ANK3: variants seen among roughly 807,000 people sequenced by gnomAD.
ANK3 encodes ankyrin-3.
ANK3 carries 57 observed loss-of-function variants against 370.9 expected under a neutral mutation model. The ratio of observed to expected loss-of-function variants is 0.15; its 90% CI spans 0.12 to 0.19. The LOEUF (loss-of-function observed/expected upper bound fraction) is 0.19. ANK3 is among the 10% of genes least tolerant of loss of function. ANK3 has a pLI of 1.00. For missense variants in ANK3, 4,439 were observed against 5,302.1 expected (o/e 0.84, Z 5.06); for synonymous variants, 1,929 against 1,946.3 (o/e 0.99, Z 0.23).
At chr10:60,277,680 A>G (rs1592932290) in intron 4 of ANK3, among the ~76,000 whole-genome samples, 3 of 150,582 alleles carry the variant, frequency 2.0e-5, no homozygotes, top group East Asian at 3.9e-4. Flanking sequence ...TAATACTGCC[A>G]GAGTGTGCCA....
At chr10:60,051,483 T>C (rs1191237786) in intron 42 of ANK3, 1 of 985,150 alleles carries the variant, frequency 1.0e-6, no homozygotes, top group Non-Finnish European at 1.2e-6. Flanking sequence ...ACCTTTATAA[T>C]CAAACGCCGG....
intron 18 of ANK3, among the ~76,000 whole-genome samples, chr10:60,175,492 G>C (rs1468300299): frequency 1.3e-5 from 2 of 152,172 alleles, no homozygotes; most frequent in Non-Finnish European, 2.9e-5. Context: ...CCAGGGAACA[G>C]AGCAGCCTCT....
At chr10:60,683,241 T>C (rs1362429748) in intron 1 of ANK3, among the ~76,000 whole-genome samples, 1 of 152,230 alleles carries the variant, frequency 6.6e-6, no homozygotes, top group Non-Finnish European at 1.5e-5. Flanking sequence ...ATCTGTTTAG[T>C]AAGATTATTA....
At position 60,678,750 on chromosome 10, in the gene ANK3, G is replaced by T. The variant is rs552417623; in HGVS notation, c.57+54513C>A. ...ATAAGCAGATGACTAAGACCTCACA[G>T]TTTCAGAAACAAAATATTTGGAGGC... On this transcript the variant is annotated intron_variant, in intron 1 of 43. Coordinates refer to the ANK3 transcript ENST00000373827. Among the ~76,000 whole-genome samples, 19 of 152,304 alleles carry T rather than the reference G, an allele frequency of 1.2e-4. No individual in the cohort carries two copies. In the South Asian group the frequency reaches 3.7e-3, roughly 30 times the overall value.
chr10:60,583,517 T>G lies in ANK3; in HGVS notation c.96+31669A>C, dbSNP rs1406000287. Among the ~76,000 whole-genome samples, 17 of 122,966 alleles carry G rather than the reference T, an allele frequency of 1.4e-4. 2 individuals are homozygous for G. Among genetic ancestry groups the G allele is most frequent in the South Asian group, 3.6e-4 (1 of 2,770 alleles). The allele number at this position is 122,966 out of a possible 152,430, so 80.7% of individuals were successfully genotyped here. The stretch of plus-strand genomic sequence containing the variant: ...GCTTACAGAGAGGTTTTTTGTTTTT[T>G]GTTTTTTGTTTTTTTTTGAGGTGGA... On this transcript the variant is annotated intron_variant, in intron 2 of 43. Transcript: ENST00000373827.
chr10:60,297,402 C>A (rs969046025), intron 1 of ANK3, among the ~76,000 whole-genome samples: 3 of 152,096 alleles, frequency 2.0e-5, no homozygotes, highest in African/African-American at 7.2e-5. Flanking sequence ...GAGTCTTATG[C>A]TTAACGAGTG....
intron 1 of ANK3, among the ~76,000 whole-genome samples, chr10:60,658,773 A>C (rs1410638728): frequency 1.3e-5 from 2 of 151,442 alleles, no homozygotes; most frequent in Non-Finnish European, 3.0e-5. Flanking sequence ...ATTTCTCTAA[A>C]GATTATTGGT....
intron 1 of ANK3, among the ~76,000 whole-genome samples, chr10:60,365,700 T>C (rs2059297765): frequency 1.3e-5 from 2 of 152,208 alleles, no homozygotes. Flanking sequence ...ATTTTTCCAA[T>C]GATCCCCTTG....
chr10:60,336,182 TGAGGTTAAAAGGGGAGAAGCAGGCATTG>T (rs999080571), intron 1 of ANK3, among the ~76,000 whole-genome samples: 3 of 150,818 alleles, frequency 2.0e-5, no homozygotes, highest in Admixed American at 1.3e-4. Context: ...TTGCAAAAGG[TGAGGTTAAAAGGGGAGAAGCAGGCATTG>T]GAGGTCCTGG....
intron 1 of ANK3, among the ~76,000 whole-genome samples, chr10:60,621,552 A>T (rs777427903): frequency 3.3e-5 from 5 of 152,212 alleles, no homozygotes; most frequent in Non-Finnish European, 2.9e-5. Flanking sequence ...CGTGTAATTC[A>T]TGGCAGGTTT....
At chr10:60,259,040 G>T (rs1247033794) in intron 7 of ANK3, among the ~76,000 whole-genome samples, 1 of 152,146 alleles carries the variant, frequency 6.6e-6, no homozygotes, top group South Asian at 2.1e-4. Context: ...GCATTCAGGG[G>T]CCTCTTACTT....
intron 2 of ANK3, among the ~76,000 whole-genome samples, chr10:60,499,220 G>T (rs2075735406): frequency 6.6e-6 from 1 of 151,968 alleles, no homozygotes; most frequent in African/African-American, 2.4e-5. Context: ...TCCTCAAAAG[G>T]GTCATGAATA....
At chr10:60,576,686 C>T (rs967113799) in intron 2 of ANK3, among the ~76,000 whole-genome samples, 2 of 152,200 alleles carry the variant, frequency 1.3e-5, no homozygotes, top group African/African-American at 4.8e-5. Flanking sequence ...TAACAGCATT[C>T]CCTTGATACC....
chr10:60,160,666 C>A (rs74516547), intron 23 of ANK3, among the ~76,000 whole-genome samples: 4,124 of 152,000 alleles, frequency 0.027, 173 homozygotes, highest in African/African-American at 0.094. Context: ...TACTAGCAAA[C>A]CATATATAAC....
intron 2 of ANK3, among the ~76,000 whole-genome samples, chr10:60,486,444 G>A (rs948199495): frequency 1.3e-5 from 2 of 152,154 alleles, no homozygotes; most frequent in African/African-American, 4.8e-5. Flanking sequence ...GGCTGGGTGT[G>A]GTGTGCGCAC....
At chr10:60,324,747 T>C (rs1254774259) in intron 1 of ANK3, among the ~76,000 whole-genome samples, 2 of 152,162 alleles carry the variant, frequency 1.3e-5, no homozygotes, top group African/African-American at 4.8e-5. Context: ...ATATTCTCCA[T>C]GCCACTCAGC....
intron 2 of ANK3, among the ~76,000 whole-genome samples, chr10:60,582,257 A>G (rs2077765060): frequency 6.6e-6 from 1 of 152,098 alleles, no homozygotes; most frequent in Admixed American, 6.6e-5. Context: ...GTATCCTGGA[A>G]CTTAAAGTAT....
At chr10:60,486,013 G>C (rs1226277604) in intron 2 of ANK3, among the ~76,000 whole-genome samples, 1 of 152,112 alleles carries the variant, frequency 6.6e-6, no homozygotes, top group South Asian at 2.1e-4. Flanking sequence ...GGGTGCTTGA[G>C]AGCCTACTCA....
At chr10:60,444,247 T>C (rs551505847) in intron 2 of ANK3, among the ~76,000 whole-genome samples, 1 of 152,024 alleles carries the variant, frequency 6.6e-6, no homozygotes, top group African/African-American at 2.4e-5. Flanking sequence ...TAACCCCAGC[T>C]AGAGAGCAAA....
Sources: allele counts gnomAD v4.1 joint callset (sites outside exome capture counted in the v4.1 genomes callset), GRCh38; gene constraint gnomAD v4.1.1; transcripts MANE v1.5; gene names NCBI Gene and HGNC (gene_info 2026-07-23, HGNC 2026-07-21).